Variants in MKLN1 observed in about 807,000 individuals in gnomAD.
MKLN1 encodes the protein muskelin 1, also known as muskelin.
In MKLN1, 18 loss-of-function variants were observed where a neutral mutation model predicts 99.0. The ratio of observed to expected loss-of-function variants is 0.18; its 90% CI spans 0.13 to 0.27. MKLN1 has a LOEUF of 0.27. MKLN1 is among the 10% of genes least tolerant of loss of function. The pLI, the probability that MKLN1 is intolerant of heterozygous loss-of-function variation, is 1.00. For synonymous variants in MKLN1, 288 were observed against 293.2 expected, an observed-to-expected ratio of 0.98 and a Z score of 0.18; for missense variants, 621 against 875.9, an observed-to-expected ratio of 0.71 and a Z score of 3.67.
intron 11 of MKLN1, among the ~76,000 whole-genome samples, chr7:131,444,748 TAGTAGTAGTAGAAGA>T (rs902103116): frequency 5.2e-5 from 3 of 57,678 alleles, no homozygotes; most frequent in African/African-American, 7.3e-5. Context: ...GTAGTAGTAG[TAGTAGTAGTAGAAGA>T]AGTAGTAGTA....
chr7:131,351,825 C>T (rs866054748), intron 1 of MKLN1, among the ~76,000 whole-genome samples: 1 of 152,094 alleles, frequency 6.6e-6, no homozygotes, highest in Middle Eastern at 3.2e-3. Context: ...TTTGTAAAGC[C>T]ATCCACTTTT....
chr7:131,121,605 C>T, intron 1 of MKLN1, among the ~76,000 whole-genome samples: 1 of 132,740 alleles, frequency 7.5e-6, no homozygotes, highest in East Asian at 2.1e-4. Flanking sequence ...CGCCACTGCA[C>T]TCCAGCCTGA....
intron 1 of MKLN1, among the ~76,000 whole-genome samples, chr7:131,142,410 C>CAAA (rs35890144): frequency 7.2e-6 from 1 of 138,514 alleles, no homozygotes. Flanking sequence ...GACTCCATTT[C>CAAA]AAAAAAAAAA....
intron 3 of MKLN1, among the ~76,000 whole-genome samples, chr7:131,295,374 T>C (rs954736916): frequency 1.3e-5 from 2 of 152,130 alleles, no homozygotes; most frequent in Non-Finnish European, 2.9e-5. Context: ...AAACACATTG[T>C]GTAAAACATT....
intron 1 of MKLN1, among the ~76,000 whole-genome samples, chr7:131,128,773 A>ATT (rs36136336): frequency 5.1e-5 from 5 of 98,690 alleles, no homozygotes; most frequent in Non-Finnish European, 7.3e-5. Flanking sequence ...TCTGGATAAT[A>ATT]TTTTTTTTTA....
intron 2 of MKLN1, among the ~76,000 whole-genome samples, chr7:131,199,866 T>A (rs1051330204): frequency 1.3e-5 from 2 of 152,138 alleles, no homozygotes; most frequent in Non-Finnish European, 2.9e-5. Flanking sequence ...GCTAATTTTT[T>A]AAATATTTTT....
At chr7:131,200,716 ACTACCT>A (rs1796714782) in intron 2 of MKLN1, among the ~76,000 whole-genome samples, 2 of 152,334 alleles carry the variant, frequency 1.3e-5, no homozygotes, top group African/African-American at 2.4e-5. Flanking sequence ...AGCACATTGG[ACTACCT>A]GACCATTTTT....
intron 1 of MKLN1, among the ~76,000 whole-genome samples, chr7:131,119,356 C>T (rs934354395): frequency 6.6e-6 from 1 of 152,270 alleles, no homozygotes; most frequent in African/African-American, 2.4e-5. Context: ...CACTGTGGCT[C>T]TGCAGCATAC....
chr7:131,246,881 TG>T (rs759154416), intron 3 of MKLN1, among the ~76,000 whole-genome samples: 7 of 152,180 alleles, frequency 4.6e-5, no homozygotes, highest in African/African-American at 7.2e-5. Context: ...CTTCTTGTGA[TG>T]TGGTTTCTTT....
At chr7:131,250,205 T>G (rs553435591) in intron 3 of MKLN1, among the ~76,000 whole-genome samples, 20 of 152,148 alleles carry the variant, frequency 1.3e-4, no homozygotes, top group African/African-American at 4.3e-4. Context: ...GGGCTTCAGC[T>G]TTGGTGGCTG....
intron 10 of MKLN1, among the ~76,000 whole-genome samples, chr7:131,443,057 C>T (rs1277872941): frequency 6.6e-6 from 1 of 152,096 alleles, no homozygotes; most frequent in East Asian, 1.9e-4. Context: ...TTTAGCTTCA[C>T]CACTCTTATT....
At chr7:131,219,967 A>G (rs899466936) in intron 3 of MKLN1, among the ~76,000 whole-genome samples, 12 of 152,136 alleles carry the variant, frequency 7.9e-5, no homozygotes, top group Non-Finnish European at 1.6e-4. Flanking sequence ...AACATCCCAC[A>G]ATATGGCGCA....
At chr7:131,280,183 C>G (rs902484365) in intron 3 of MKLN1, among the ~76,000 whole-genome samples, 3 of 152,164 alleles carry the variant, frequency 2.0e-5, no homozygotes, top group African/African-American at 7.2e-5. Context: ...TATGGCTATA[C>G]CACATTTTGT....
chr7:131,181,434 G>A (rs1031839873), intron 2 of MKLN1, among the ~76,000 whole-genome samples: 1 of 152,150 alleles, frequency 6.6e-6, no homozygotes, highest in Non-Finnish European at 1.5e-5. Flanking sequence ...CAGGCCAGGC[G>A]CAGTGACTCA....
intron 2 of MKLN1, among the ~76,000 whole-genome samples, chr7:131,165,247 G>C (rs777461140): frequency 6.6e-6 from 1 of 152,074 alleles, no homozygotes. Flanking sequence ...GTGTAATGGC[G>C]CGATCTCTGC....
intron 2 of MKLN1, among the ~76,000 whole-genome samples, chr7:131,195,060 T>C (rs1584824797): frequency 6.6e-6 from 1 of 152,334 alleles, no homozygotes; most frequent in South Asian, 2.1e-4. Context: ...ATACTTCTTT[T>C]ACAATTTCCT....
intron 2 of MKLN1, among the ~76,000 whole-genome samples, chr7:131,376,095 A>AATATATAT (rs60323728): frequency 0.013 from 1,425 of 107,148 alleles, 22 homozygotes; most frequent in Middle Eastern, 0.021. Context: ...AATTCATGGA[A>AATATATAT]ATATATATAT....
intron 1 of MKLN1, among the ~76,000 whole-genome samples, chr7:131,126,480 G>T (rs1795460159): frequency 6.6e-6 from 1 of 152,184 alleles, no homozygotes; most frequent in Admixed American, 6.5e-5. Flanking sequence ...AAATGAGAAT[G>T]TAGGTACATT....
At chr7:131,239,319 CT>C (rs1167385950) in intron 3 of MKLN1, among the ~76,000 whole-genome samples, 26 of 144,882 alleles carry the variant, frequency 1.8e-4, no homozygotes, top group Admixed American at 2.8e-4. Flanking sequence ...TTATCTTTTT[CT>C]TTTTTTTTTT....
Sources: allele counts gnomAD v4.1 joint callset (sites outside exome capture counted in the v4.1 genomes callset), GRCh38; gene constraint gnomAD v4.1.1; transcripts MANE v1.5; gene names NCBI Gene and HGNC (gene_info 2026-07-23, HGNC 2026-07-21).